Variants in SFMBT1 observed in about 807,000 individuals in gnomAD.
SFMBT1 encodes Scm like with four mbt domains 1, also known as scm-like with four MBT domains protein 1.
Under a neutral mutation model 108.7 loss-of-function variants are expected in SFMBT1, and 32 were observed. That is an observed-to-expected ratio of 0.29 (90% CI 0.22 to 0.40). The LOEUF is 0.40. Among genes scored for constraint, SFMBT1 ranks in the 10% least tolerant of loss-of-function variants. The probability of loss-of-function intolerance (pLI) is 1.00; values close to 1 mark genes in which losing one functional copy is unlikely to be tolerated. For missense variants in SFMBT1, 816 were observed against 1,059.6 expected (o/e 0.77, Z 3.19); for synonymous variants, 348 against 369.5 (o/e 0.94, Z 0.67).
At chr3:52,940,034 G>A (rs1471025506) in intron 4 of SFMBT1, among the ~76,000 whole-genome samples, 2 of 151,872 alleles carry the variant, frequency 1.3e-5, no homozygotes, top group African/African-American at 4.8e-5. Flanking sequence ...CACCTCTTCT[G>A]TGGTTGTTTC....
At chr3:52,966,240 C>T (rs1299378587) in intron 2 of SFMBT1, among the ~76,000 whole-genome samples, 1 of 147,846 alleles carries the variant, frequency 6.8e-6, no homozygotes. Context: ...TGGCGTGAAC[C>T]CGGGAGGCAA....
At chr3:52,965,841 C>A (rs1452415107) in intron 2 of SFMBT1, among the ~76,000 whole-genome samples, 2 of 149,376 alleles carry the variant, frequency 1.3e-5, no homozygotes, top group African/African-American at 5.0e-5. Flanking sequence ...CCCGTCTCTA[C>A]CAAAAATACA....
chr3:53,021,172 A>G (rs1559552480), intron 1 of SFMBT1, among the ~76,000 whole-genome samples: 1 of 152,250 alleles, frequency 6.6e-6, no homozygotes, highest in Non-Finnish European at 1.5e-5. Flanking sequence ...TCTTTTTTAC[A>G]CTCAGTACAT....
intron 1 of SFMBT1, among the ~76,000 whole-genome samples, chr3:52,991,671 G>GA (rs1705137663): frequency 6.6e-6 from 1 of 152,062 alleles, no homozygotes; most frequent in South Asian, 2.1e-4. Context: ...TCCCTAATAT[G>GA]AGAGTATTAA....
intron 1 of SFMBT1, among the ~76,000 whole-genome samples, chr3:52,991,669 A>G (rs140172147): frequency 5.4e-4 from 82 of 152,170 alleles, no homozygotes; most frequent in Non-Finnish European, 1.0e-3. Flanking sequence ...AATCCCTAAT[A>G]TGAGAGTATT....
intron 10 of SFMBT1, among the ~76,000 whole-genome samples, chr3:52,925,292 T>C (rs1231202299): frequency 1.3e-5 from 2 of 152,192 alleles, no homozygotes; most frequent in Non-Finnish European, 2.9e-5. Flanking sequence ...AAAAACTCAT[T>C]TTGTATTTAA....
intron 1 of SFMBT1, among the ~76,000 whole-genome samples, chr3:53,018,453 T>G (rs1352436490): frequency 2.6e-5 from 4 of 151,810 alleles, no homozygotes; most frequent in African/African-American, 9.7e-5. Context: ...CCTAGAACCT[T>G]CAGTTAGACC....
intron 1 of SFMBT1, among the ~76,000 whole-genome samples, chr3:53,034,100 ACAATT>A (rs1559557510): frequency 1.3e-5 from 2 of 150,530 alleles, no homozygotes; most frequent in Non-Finnish European, 2.9e-5. Flanking sequence ...AAAAAAATCA[ACAATT>A]CCTTAATATC....
At chr3:52,998,157 T>C (rs978911566) in intron 1 of SFMBT1, among the ~76,000 whole-genome samples, 2 of 150,196 alleles carry the variant, frequency 1.3e-5, no homozygotes, top group Admixed American at 1.3e-4. Context: ...GGCTCACGCC[T>C]GTAATCCCAG....
rs1278570970 is a variant in SFMBT1 at position 52,903,720 on chromosome 3, T to C, written c.*1416A>G. 6.6e-6 allele frequency: 1 copy of C among 152,188 alleles called. No homozygotes were observed. Among genetic ancestry groups the C allele is most frequent in the South Asian group, 2.1e-4 (1 of 4,834 alleles). 9.4% of individuals were successfully genotyped at this position (152,188 alleles called of 1,614,324 possible). A position where few individuals can be genotyped will look rare whatever the true frequency, so the allele number is the denominator to read the frequency against. ...AAAAAATTCAGCAAAGCAAACCATT[T>C]AAGGGAGACAACCTATGTATGTTTT... On this transcript the variant is annotated 3_prime_UTR_variant, in exon 21 of 21. Transcript: ENST00000394752.
At chr3:53,015,204 C>A (rs1559550304) in intron 1 of SFMBT1, among the ~76,000 whole-genome samples, 1 of 150,486 alleles carries the variant, frequency 6.6e-6, no homozygotes. Flanking sequence ...TGAGAGAGAC[C>A]CTGTCCCAAG....
chr3:52,960,834 CT>C (rs1703937150), intron 2 of SFMBT1, among the ~76,000 whole-genome samples: 1 of 152,104 alleles, frequency 6.6e-6, no homozygotes, highest in Non-Finnish European at 1.5e-5. Context: ...ATTATTTAGC[CT>C]TTTAAAAAAA....
chr3:53,001,588 A>AGAGGAACCACACT (rs11275169), intron 1 of SFMBT1, among the ~76,000 whole-genome samples: 105,739 of 148,078 alleles, frequency 0.71, 39,538 homozygotes, highest in South Asian at 0.85. Context: ...CATTTCTAAT[A>AGAGGAACCACACT]GCTCTAGCTA....
At chr3:52,967,411 G>A (rs1575408823) in intron 2 of SFMBT1, among the ~76,000 whole-genome samples, 1 of 152,292 alleles carries the variant, frequency 6.6e-6, no homozygotes, top group East Asian at 1.9e-4. Flanking sequence ...GGATGTCAGA[G>A]TCTGGGTGGA....
intron 1 of SFMBT1, among the ~76,000 whole-genome samples, chr3:52,998,153 C>T (rs148849073): frequency 6.7e-5 from 10 of 150,160 alleles, no homozygotes; most frequent in African/African-American, 2.4e-4. Flanking sequence ...CGGTGGCTCA[C>T]GCCTGTAATC....
At chr3:52,978,304 T>C (rs1704589202) in intron 1 of SFMBT1, among the ~76,000 whole-genome samples, 1 of 151,966 alleles carries the variant, frequency 6.6e-6, no homozygotes, top group South Asian at 2.1e-4. Context: ...GTGAGCTATG[T>C]TCTAGGAATA....
chr3:53,034,674 T>C (rs1311548762), intron 1 of SFMBT1, among the ~76,000 whole-genome samples: 1 of 152,100 alleles, frequency 6.6e-6, no homozygotes. Flanking sequence ...TAGTGGCTCA[T>C]GCCTATAAAC....
intron 1 of SFMBT1, among the ~76,000 whole-genome samples, chr3:52,989,670 G>A (rs542423601): frequency 2.6e-5 from 4 of 151,430 alleles, no homozygotes; most frequent in Admixed American, 6.6e-5. Context: ...ATGGTGGCGC[G>A]CGCCTGTAGT....
At chr3:52,963,317 G>C (rs1282701427) in intron 2 of SFMBT1, among the ~76,000 whole-genome samples, 1 of 151,734 alleles carries the variant, frequency 6.6e-6, no homozygotes, top group Admixed American at 6.6e-5. Context: ...AAATATGCAG[G>C]CTCATTATAC....
Sources: gnomAD v4.1 joint callset for allele counts (sites outside exome capture counted in the v4.1 genomes callset) on GRCh38, gnomAD v4.1.1 for gene constraint, MANE v1.5 for transcripts, NCBI Gene and HGNC (gene_info 2026-07-23, HGNC 2026-07-21) for gene names.